The following ADAM22 variants were observed in gnomAD, a reference collection of about 807,000 sequenced individuals.
ADAM22 encodes ADAM metallopeptidase domain 22.
Under a neutral mutation model 144.6 loss-of-function variants are expected in ADAM22, and 65 were observed. The ratio of observed to expected loss-of-function variants is 0.45; its 90% CI spans 0.37 to 0.55. ADAM22 has a LOEUF of 0.55. ADAM22 is among the 20% of genes least tolerant of loss of function. ADAM22 has a pLI of 0.00. For synonymous variants in ADAM22, 391 were observed against 412.6 expected (o/e 0.95, Z 0.63); for missense variants, 974 against 1,184.9 (o/e 0.82, Z 2.61).
intron 23 of ADAM22, among the ~76,000 whole-genome samples, chr7:88,163,667 A>T (rs1223612693): frequency 6.6e-6 from 1 of 152,106 alleles, no homozygotes; most frequent in Non-Finnish European, 1.5e-5. Flanking sequence ...AACTTAGGGA[A>T]ATGTTTCTTA....
chr7:88,087,746 G>A (rs982282811), intron 4 of ADAM22, among the ~76,000 whole-genome samples: 3 of 152,134 alleles, frequency 2.0e-5, no homozygotes, highest in African/African-American at 7.2e-5. Flanking sequence ...GAATGTCTAT[G>A]TGTATTAGCT....
At chr7:88,104,365 C>T (rs1041264203) in intron 4 of ADAM22, among the ~76,000 whole-genome samples, 2 of 152,006 alleles carry the variant, frequency 1.3e-5, no homozygotes, top group African/African-American at 2.4e-5. Flanking sequence ...TGGCATGGTA[C>T]ACAAAATGTG....
intron 6 of ADAM22, 82 bp from the exon 7 acceptor site, chr7:88,116,663 T>G (rs1827836309): frequency 8.6e-7 from 1 of 1,167,512 alleles, no homozygotes; most frequent in Admixed American, 1.9e-5. Flanking sequence ...GTGGTTCTTT[T>G]AAGGGTCTCC....
At chr7:88,020,186 G>A (rs1797503723) in intron 3 of ADAM22, among the ~76,000 whole-genome samples, 1 of 152,148 alleles carries the variant, frequency 6.6e-6, no homozygotes. Flanking sequence ...ATTAGTCATG[G>A]CAAGGGACAA....
At chr7:87,971,160 T>C (rs1403188717) in intron 2 of ADAM22, among the ~76,000 whole-genome samples, 2 of 152,230 alleles carry the variant, frequency 1.3e-5, no homozygotes, top group Admixed American at 1.3e-4. Context: ...GGTCATGTTA[T>C]TAACTTTTAG....
intron 22 of ADAM22, among the ~76,000 whole-genome samples, chr7:88,157,455 T>C (rs1006951890): frequency 1.3e-4 from 20 of 152,120 alleles, no homozygotes; most frequent in African/African-American, 4.6e-4. Context: ...TAGAATTTTG[T>C]ACTCTGGCAA....
intron 3 of ADAM22, among the ~76,000 whole-genome samples, chr7:88,017,095 G>A (rs1415624698): frequency 6.6e-6 from 1 of 152,016 alleles, no homozygotes; most frequent in Non-Finnish European, 1.5e-5. Context: ...CTCCAGCCTG[G>A]GTGACAGGCC....
At chr7:88,012,642 G>A (rs182427550) in intron 3 of ADAM22, among the ~76,000 whole-genome samples, 249 of 152,272 alleles carry the variant, frequency 1.6e-3, no homozygotes, top group Middle Eastern at 3.4e-3. Context: ...GCTGTAACCC[G>A]TGAATATTAT....
At chr7:88,142,707 G>A (rs947194562) in intron 14 of ADAM22, among the ~76,000 whole-genome samples, 17 of 151,990 alleles carry the variant, frequency 1.1e-4, no homozygotes, top group South Asian at 2.1e-4. Context: ...GCATGGTGGC[G>A]GGCGCCTGTA....
At chr7:88,125,520 A>G (rs1830207643) in intron 7 of ADAM22, 69 bp from the exon 8 acceptor site, 44 of 1,088,256 alleles carry the variant, frequency 4.0e-5, no homozygotes, top group Non-Finnish European at 5.6e-5. Context: ...AAGGGCAGGT[A>G]AAACTTTGCC....
At chr7:88,074,300 A>G (rs1813614099) in intron 3 of ADAM22, among the ~76,000 whole-genome samples, 1 of 152,176 alleles carries the variant, frequency 6.6e-6, no homozygotes, top group African/African-American at 2.4e-5. Context: ...ACATTTCTTG[A>G]TCTTGCAGCC....
intron 7 of ADAM22, among the ~76,000 whole-genome samples, chr7:88,125,317 G>A (rs1417004024): frequency 6.6e-6 from 1 of 151,924 alleles, no homozygotes; most frequent in African/African-American, 2.4e-5. Flanking sequence ...AAGATTTCCA[G>A]TAAATAAAGT....
intron 2 of ADAM22, among the ~76,000 whole-genome samples, chr7:87,963,552 A>T (rs187979216): frequency 9.9e-5 from 15 of 152,208 alleles, no homozygotes; most frequent in Admixed American, 9.8e-4. Flanking sequence ...CAGCATGTCA[A>T]ATGTACAGAA....
intron 2 of ADAM22, among the ~76,000 whole-genome samples, chr7:87,960,637 A>T (rs1380343161): frequency 6.6e-6 from 1 of 152,070 alleles, no homozygotes; most frequent in African/African-American, 2.4e-5. Context: ...TCTTTTTATC[A>T]TTCTATCTTT....
At chr7:87,955,762 A>G (rs539666870) in intron 2 of ADAM22, among the ~76,000 whole-genome samples, 2 of 152,250 alleles carry the variant, frequency 1.3e-5, no homozygotes, top group African/African-American at 2.4e-5. Context: ...GGCCTCCTTG[A>G]GCTGTGGTGG....
At chr7:88,173,311 T>C (rs1264162134) in intron 26 of ADAM22, among the ~76,000 whole-genome samples, 1 of 152,096 alleles carries the variant, frequency 6.6e-6, no homozygotes, top group Non-Finnish European at 1.5e-5. Context: ...TTTTGGAATC[T>C]AGTCCATCAT....
At chr7:88,193,603 G>A (rs921013528) in intron 31 of ADAM22, among the ~76,000 whole-genome samples, 5 of 152,092 alleles carry the variant, frequency 3.3e-5, no homozygotes, top group South Asian at 4.1e-4. Flanking sequence ...TGTGAAATTC[G>A]AGATACAGTG....
intron 3 of ADAM22, among the ~76,000 whole-genome samples, chr7:88,042,359 C>T (rs1295469823): frequency 2.0e-5 from 3 of 151,936 alleles, no homozygotes; most frequent in African/African-American, 7.2e-5. Flanking sequence ...GTTTCATTTT[C>T]AAATTGGTGG....
chr7:88,115,347 C>G (rs1009110010), intron 6 of ADAM22, among the ~76,000 whole-genome samples: 2 of 152,266 alleles, frequency 1.3e-5, no homozygotes, highest in Admixed American at 6.5e-5. Flanking sequence ...TATGATCTGT[C>G]TTAGTTTGAC....
Sources: allele counts gnomAD v4.1 joint callset (sites outside exome capture counted in the v4.1 genomes callset), GRCh38; gene constraint gnomAD v4.1.1; transcripts MANE v1.5; gene names NCBI Gene and HGNC (gene_info 2026-07-23, HGNC 2026-07-21).